FHIT: variants seen among roughly 807,000 people sequenced by gnomAD.
FHIT encodes fragile histidine triad diadenosine triphosphatase.
FHIT carries 19 observed loss-of-function variants against 17.9 expected under a neutral mutation model. That is an observed-to-expected ratio of 1.06 (90% CI 0.74 to 1.56). FHIT has a LOEUF of 1.56. Ranked by LOEUF, FHIT falls within the 40% of genes most tolerant of loss-of-function variation. The pLI is 0.00. For missense variants in FHIT, 248 were observed against 189.2 expected (o/e 1.31, Z -1.82); for synonymous variants, 81 against 69.7 (o/e 1.16, Z -0.81).
At chr3:59,862,331 G>A (rs564974976) in intron 8 of FHIT, among the ~76,000 whole-genome samples, 8 of 152,244 alleles carry the variant, frequency 5.3e-5, no homozygotes, top group South Asian at 2.1e-4. Context: ...GGAAAAACCC[G>A]CTCCCATGAT....
In FHIT at chr3:60,842,801, C is replaced by T. The variant is rs191401465; in HGVS notation, c.-110-20790G>A. Among the ~76,000 whole-genome samples the T allele has an allele frequency of 1.6e-4, 24 of 151,968 alleles. No homozygotes were observed. The East Asian group carries it at 3.9e-3, about 25-fold the overall frequency. ...TAAGCTATCCAAAGGATTTTACACACAGTCCTGTGGTTTAGGAGCAGAGGA... is the reference window on the plus strand; with the variant it reads ...TAAGCTATCCAAAGGATTTTACACATAGTCCTGTGGTTTAGGAGCAGAGGA... On this transcript the variant is annotated intron_variant, in intron 3 of 9. Transcript: ENST00000492590.
At chr3:61,074,164 C>G (rs987250029) in intron 2 of FHIT, among the ~76,000 whole-genome samples, 12 of 152,112 alleles carry the variant, frequency 7.9e-5, no homozygotes, top group African/African-American at 2.9e-4. Context: ...ACCCCTTAAG[C>G]CTTCAGTACT....
intron 8 of FHIT, among the ~76,000 whole-genome samples, chr3:59,798,600 C>T (rs934542267): frequency 2.0e-5 from 3 of 152,210 alleles, no homozygotes; most frequent in East Asian, 3.8e-4. Context: ...ACTGACAGAA[C>T]GCTTGCTAAT....
chr3:61,057,314 A>G (rs1414130844), intron 2 of FHIT, among the ~76,000 whole-genome samples: 3 of 152,236 alleles, frequency 2.0e-5, no homozygotes, highest in South Asian at 2.1e-4. Flanking sequence ...CAATAATCCA[A>G]TAACAAAAAC....
chr3:61,042,923 A>C (rs542614811), intron 2 of FHIT, among the ~76,000 whole-genome samples: 1 of 152,310 alleles, frequency 6.6e-6, no homozygotes, highest in South Asian at 2.1e-4. Context: ...ATATCTGAGC[A>C]TCAAAAAGGT....
At chr3:60,930,186 C>A (rs1180394584) in intron 3 of FHIT, among the ~76,000 whole-genome samples, 1 of 151,954 alleles carries the variant, frequency 6.6e-6, no homozygotes, top group African/African-American at 2.4e-5. Flanking sequence ...AAACTGGATC[C>A]CTTCCTTATA....
At chr3:60,816,050 T>A (rs1043588637) in intron 4 of FHIT, among the ~76,000 whole-genome samples, 1 of 152,104 alleles carries the variant, frequency 6.6e-6, no homozygotes, top group African/African-American at 2.4e-5. Flanking sequence ...TTGAACATTA[T>A]TGGTGTACAG....
chr3:60,150,078 C>T (rs1332753194), intron 5 of FHIT, among the ~76,000 whole-genome samples: 1 of 145,264 alleles, frequency 6.9e-6, no homozygotes, highest in Admixed American at 7.2e-5. Context: ...TCACTGCAAC[C>T]TCTGCCTCTG....
At chr3:60,791,011 T>A (rs185298614) in intron 4 of FHIT, among the ~76,000 whole-genome samples, 6 of 152,298 alleles carry the variant, frequency 3.9e-5, no homozygotes, top group Admixed American at 3.9e-4. Context: ...CCAAATGTAA[T>A]AATGCACTCA....
chr3:59,973,860 C>T (rs1179697985), intron 7 of FHIT, among the ~76,000 whole-genome samples: 1 of 151,946 alleles, frequency 6.6e-6, no homozygotes, highest in African/African-American at 2.4e-5. Context: ...AATGAAAATA[C>T]AGGTATAATG....
intron 8 of FHIT, among the ~76,000 whole-genome samples, chr3:59,873,045 C>A (rs1702993023): frequency 6.6e-6 from 1 of 152,224 alleles, no homozygotes; most frequent in South Asian, 2.1e-4. Flanking sequence ...AATCACATAG[C>A]TGGGTTAGAG....
At chr3:60,243,455 G>C (rs1364736856) in intron 5 of FHIT, among the ~76,000 whole-genome samples, 1 of 152,064 alleles carries the variant, frequency 6.6e-6, no homozygotes, top group Non-Finnish European at 1.5e-5. Flanking sequence ...GAGGCGATGG[G>C]GAGAGCTTGA....
intron 5 of FHIT, among the ~76,000 whole-genome samples, chr3:60,402,164 T>C (rs1701682773): frequency 6.6e-6 from 1 of 152,078 alleles, no homozygotes; most frequent in Non-Finnish European, 1.5e-5. Context: ...AAAAAGAAAA[T>C]CTCATAGACA....
intron 4 of FHIT, among the ~76,000 whole-genome samples, chr3:60,790,728 T>C (rs1553728278): frequency 6.6e-6 from 1 of 152,192 alleles, no homozygotes; most frequent in African/African-American, 2.4e-5. Context: ...CTACGAGAGA[T>C]ACATGATGTT....
Position 60,014,107 on chromosome 3 carries a change from A to G in FHIT, c.149T>C (p.Leu50Pro), listed in dbSNP as rs748948023. 1 of 1,614,106 alleles carries G rather than the reference A, an allele frequency of 6.2e-7. No homozygotes were observed. ...PLRPVERFHD[L>P]RPDEVADLFQ... is the part of the protein sequence containing the mutation. ...CAAATCGGCCACTTCATCAGGACGC[A>G]GGTCATGGAAGCGCTCCACTGGCCG... The change falls in exon 6 of 10, where the codon CTG becomes CCG. Residue 50 changes from leucine to proline, a missense_variant. Leu to Pro is a moderately conservative substitution (Grantham distance 98). Coordinates refer to ENST00000492590, the MANE Select transcript of FHIT (RefSeq NM_002012.4).
At chr3:61,210,086 C>G (rs571609174) in intron 1 of FHIT, among the ~76,000 whole-genome samples, 1 of 152,236 alleles carries the variant, frequency 6.6e-6, no homozygotes, top group Non-Finnish European at 1.5e-5. Flanking sequence ...ACTCCAGACT[C>G]TGTGTGCCTG....
chr3:60,043,800 C>CA (rs1280312381), intron 5 of FHIT, among the ~76,000 whole-genome samples: 1 of 152,106 alleles, frequency 6.6e-6, no homozygotes, highest in African/African-American at 2.4e-5. Flanking sequence ...ACATATTAAG[C>CA]AAAAAAGTCC....
chr3:59,956,149 G>A (rs1707383223), intron 7 of FHIT, among the ~76,000 whole-genome samples: 1 of 152,156 alleles, frequency 6.6e-6, no homozygotes, highest in South Asian at 2.1e-4. Context: ...GCCCTCACAT[G>A]TGTTGCTCAG....
intron 8 of FHIT, among the ~76,000 whole-genome samples, chr3:59,920,051 A>G (rs1385815): frequency 0.23 from 35,074 of 152,140 alleles, 4,258 homozygotes; most frequent in Non-Finnish European, 0.26. Flanking sequence ...AGAATGGTAG[A>G]TGGGAACATC....
Sources: allele counts gnomAD v4.1 joint callset (sites outside exome capture counted in the v4.1 genomes callset), GRCh38; gene constraint gnomAD v4.1.1; transcripts MANE v1.5; gene names NCBI Gene and HGNC (gene_info 2026-07-23, HGNC 2026-07-21).